The following SART3 variants were observed in gnomAD, a reference collection of about 807,000 sequenced individuals.
SART3 encodes the protein spliceosome associated factor 3, U4/U6 recycling protein, also known as HIV-1 Tat-interacting protein of 110kDa.
In SART3, 44 loss-of-function variants were observed where a neutral mutation model predicts 122.3. The observed-to-expected ratio is 0.36, with a 90% CI of 0.28 to 0.46. The LOEUF (loss-of-function observed/expected upper bound fraction) is 0.46, where lower values mean the gene tolerates loss of function less well. SART3 is among the 20% of genes least tolerant of loss of function. SART3 has a pLI of 1.00. For missense variants in SART3, 1,101 were observed against 1,229.0 expected (o/e 0.90, Z 1.56); for synonymous variants, 442 against 454.0 (o/e 0.97, Z 0.34).
intron 12 of SART3, 120 bp downstream of exon 12, chr12:108,535,239 G>C: frequency 3.8e-6 from 3 of 795,104 alleles, no homozygotes; most frequent in Non-Finnish European, 6.8e-6. Flanking sequence ...GAAAGAGACA[G>C]AATGAAAGAA....
rs1394157672 is a variant in SART3, at chr12:108,536,612, A to G, written c.1388-40T>C. 4 of 1,612,168 alleles carry G rather than the reference A, an allele frequency of 2.5e-6. No homozygotes were observed. The Admixed American group carries it at 6.7e-5, about 27-fold the overall frequency. On this transcript the variant is annotated intron_variant, in intron 10 of 18. Coordinates refer to ENST00000546815, the MANE Select transcript of SART3 (RefSeq NM_014706.4). ...TTAGTAAAATTAGAAAGGAACTTGG[A>G]GACAGATAGTCGCTGGCTGAAAAGG...
At chr12:108,529,932 C>G (rs1413442401) in intron 15 of SART3, among the ~76,000 whole-genome samples, 2 of 152,168 alleles carry the variant, frequency 1.3e-5, no homozygotes, top group Non-Finnish European at 2.9e-5. Flanking sequence ...AAATGGGAAC[C>G]CATAGCTCAT....
intron 1 of SART3, among the ~76,000 whole-genome samples, chr12:108,554,678 ATATT>A (rs1052716856): frequency 1.3e-5 from 2 of 148,382 alleles, no homozygotes; most frequent in East Asian, 1.9e-4. Flanking sequence ...ATATATTTAT[ATATT>A]TATATTTAGT....
intron 18 of SART3, chr12:108,524,053 TAAAATA>T (rs1872255314): frequency 7.0e-6 from 4 of 575,134 alleles, no homozygotes; most frequent in Non-Finnish European, 9.3e-6. Flanking sequence ...AAGGGGACTT[TAAAATA>T]ATCACTGCCT....
intron 14 of SART3, among the ~76,000 whole-genome samples, chr12:108,530,633 G>C (rs1872637368): frequency 6.6e-6 from 1 of 152,140 alleles, no homozygotes; most frequent in Non-Finnish European, 1.5e-5. Flanking sequence ...GAGATGGGTG[G>C]ATCACGAGGT....
At chr12:108,558,807 G>C (rs967736939) in intron 1 of SART3, among the ~76,000 whole-genome samples, 1 of 152,138 alleles carries the variant, frequency 6.6e-6, no homozygotes, top group African/African-American at 2.4e-5. Flanking sequence ...GCCGAGGCGG[G>C]CGGATCACGA....
intron 1 of SART3, among the ~76,000 whole-genome samples, chr12:108,554,747 T>C (rs1294374398): frequency 6.6e-6 from 1 of 151,046 alleles, no homozygotes; most frequent in African/African-American, 2.4e-5. Flanking sequence ...CTTCCCAGTA[T>C]TGCCTTCTAT....
intron 15 of SART3, among the ~76,000 whole-genome samples, chr12:108,526,805 G>T (rs1032678078): frequency 1.3e-5 from 2 of 152,128 alleles, no homozygotes; most frequent in Non-Finnish European, 2.9e-5. Context: ...AATCCCCATT[G>T]TCCACTCTTA....
chr12:108,535,643 T>C, intron 11 of SART3, 175 bp from the exon 12 acceptor site: 1 of 660,608 alleles, frequency 1.5e-6, no homozygotes, highest in Admixed American at 2.1e-5. Flanking sequence ...CCCAAACACT[T>C]GAGCCTTTCT....
intron 6 of SART3, among the ~76,000 whole-genome samples, chr12:108,541,712 G>C (rs529381250): frequency 6.6e-6 from 1 of 151,998 alleles, no homozygotes; most frequent in African/African-American, 2.4e-5. Context: ...CTAATTTTTT[G>C]TATTTTTAGT....
At position 108,549,078 on chromosome 12, in the gene SART3, TG is replaced by T. The variant is rs1228617439; in HGVS notation, c.439+9del. Reference sequence around the variant, plus strand: ...CTGTTTCTAAAAGCAGCCTGACTGCTGAAGCTTACCTTCAGTCAAGGGAAAG... The same window carrying T: ...CTGTTTCTAAAAGCAGCCTGACTGCTAAGCTTACCTTCAGTCAAGGGAAAG... On this transcript the variant is annotated intron_variant, in intron 2 of 18. Transcript: ENST00000546815. 6.2e-7 allele frequency: 1 copy of T among 1,613,958 alleles called. No homozygotes were observed. The highest frequency in any genetic ancestry group is 1.1e-5 in the South Asian group (1 of 91,096).
intron 6 of SART3, 151 bp from the exon 7 acceptor site, chr12:108,539,240 T>C (rs1873050786): frequency 1.3e-6 from 1 of 787,124 alleles, no homozygotes; most frequent in Non-Finnish European, 2.1e-6. Context: ...CTCTACAACT[T>C]CTTGAGCAAA....
chr12:108,552,534 T>TCCA (rs1255552283), intron 1 of SART3, among the ~76,000 whole-genome samples: 1 of 102,348 alleles, frequency 9.8e-6, no homozygotes, highest in African/African-American at 4.5e-5. Context: ...AAGATAAACA[T>TCCA]ACAAAAACAA....
In SART3 at chr12:108,536,807, G is replaced by A. The variant is rs764660266; in HGVS notation, c.1310-22C>T. 5 of 1,610,570 alleles carry A rather than the reference G, an allele frequency of 3.1e-6. No individual in the cohort carries two copies. The African/African-American group carries it at 6.7e-5, about 21-fold the overall frequency. On this transcript the variant is annotated intron_variant, in intron 9 of 18. Transcript: ENST00000546815. ...GAGTCTAACGGAAAGTGCAAAAAAA[G>A]GCTTTAGGAAACCACATAGCCTGGC...
chr12:108,528,545 G>A (rs1476209857), intron 15 of SART3, among the ~76,000 whole-genome samples: 1 of 151,500 alleles, frequency 6.6e-6, no homozygotes, highest in African/African-American at 2.4e-5. Context: ...TGGGGCTGCA[G>A]CAGTGGTGCG....
intron 3 of SART3, among the ~76,000 whole-genome samples, chr12:108,545,860 G>T (rs1458273817): frequency 1.3e-5 from 2 of 151,484 alleles, no homozygotes; most frequent in Non-Finnish European, 2.9e-5. Context: ...CAGCTACTCA[G>T]GAGGCTGAGG....
chr12:108,537,157 A>G, intron 9 of SART3: 1 of 426,964 alleles, frequency 2.3e-6, no homozygotes, highest in Non-Finnish European at 4.3e-6. Context: ...GAAGGGGCAA[A>G]GGATCCCACA....
rs11614443 is a variant in SART3 at position 108,530,940 on chromosome 12, C to G, written c.1746+264G>C. On this transcript the variant is annotated intron_variant, in intron 14 of 18. Coordinates refer to ENST00000546815, the MANE Select transcript of SART3 (RefSeq NM_014706.4). The stretch of plus-strand genomic sequence containing the variant: ...ACTCACTAGGCTAAGTGAGGCTCTT[C>G]TTTATTCTTTTTCATCAATTCTCGT... Among the ~76,000 whole-genome samples the G allele has an allele frequency of 5.1e-3, 781 of 152,236 alleles. 6 individuals carry two copies. The highest frequency in any genetic ancestry group is 6.3e-3 in the Non-Finnish European group (430 of 68,014).
intron 15 of SART3, among the ~76,000 whole-genome samples, chr12:108,528,848 A>G (rs886452330): frequency 1.3e-5 from 2 of 152,062 alleles, no homozygotes; most frequent in Admixed American, 1.3e-4. Flanking sequence ...ACAGCTGGGC[A>G]CAGTGGCTCA....
Sources: allele counts gnomAD v4.1 joint callset (sites outside exome capture counted in the v4.1 genomes callset), GRCh38; gene constraint gnomAD v4.1.1; transcripts MANE v1.5; gene names NCBI Gene and HGNC (gene_info 2026-07-23, HGNC 2026-07-21).